Variants in KCNT2 observed in about 807,000 individuals in gnomAD.
The protein encoded by KCNT2 is potassium channel subfamily T member 2.
A neutral mutation model predicts 153.8 loss-of-function variants in KCNT2; 67 were observed. The ratio of observed to expected loss-of-function variants is 0.44; its 90% CI spans 0.36 to 0.53. The LOEUF (loss-of-function observed/expected upper bound fraction) is 0.53. Ranked by LOEUF, KCNT2 falls within the 20% of genes least tolerant of loss-of-function variation. KCNT2 has a pLI of 0.00. For missense variants in KCNT2, 975 were observed against 1,354.8 expected, an observed-to-expected ratio of 0.72 and a Z score of 4.40; for synonymous variants, 500 against 458.8, an observed-to-expected ratio of 1.09 and a Z score of -1.15.
At chr1:196,310,747 C>T (rs566790820) in intron 21 of KCNT2, among the ~76,000 whole-genome samples, 3 of 151,862 alleles carry the variant, frequency 2.0e-5, no homozygotes, top group Admixed American at 6.6e-5. Context: ...TTTAACTGGT[C>T]GGCTCTCACC....
chr1:196,333,790 C>T (rs1664721333), intron 17 of KCNT2, 57 bp downstream of exon 17: 2 of 1,028,898 alleles, frequency 1.9e-6, no homozygotes, highest in Non-Finnish European at 3.0e-6. Flanking sequence ...AAAGAAAATA[C>T]TTAAGGACAT....
chr1:196,344,547 G>C (rs1040978042), intron 14 of KCNT2, among the ~76,000 whole-genome samples: 2 of 152,060 alleles, frequency 1.3e-5, no homozygotes, highest in African/African-American at 4.8e-5. Context: ...ATGATACTTG[G>C]CAAAAACAGA....
chr1:196,530,140 T>C (rs1654754555), intron 1 of KCNT2, among the ~76,000 whole-genome samples: 2 of 151,968 alleles, frequency 1.3e-5, no homozygotes, highest in South Asian at 4.1e-4. Flanking sequence ...ATAACAGGAA[T>C]GGCAGAATGC....
At chr1:196,525,393 G>A (rs1472413390) in intron 1 of KCNT2, among the ~76,000 whole-genome samples, 1 of 152,000 alleles carries the variant, frequency 6.6e-6, no homozygotes, top group Non-Finnish European at 1.5e-5. Flanking sequence ...TAATTTCCCT[G>A]TTTAATAGCT....
intron 16 of KCNT2, among the ~76,000 whole-genome samples, chr1:196,335,498 A>T (rs1226959016): frequency 2.0e-5 from 3 of 152,114 alleles, no homozygotes; most frequent in Admixed American, 1.3e-4. Flanking sequence ...TTCTAACACA[A>T]TGGTAATCTC....
chr1:196,238,328 T>A (rs979783659), intron 26 of KCNT2, among the ~76,000 whole-genome samples: 1 of 151,944 alleles, frequency 6.6e-6, no homozygotes, highest in African/African-American at 2.4e-5. Context: ...GCCAATATTT[T>A]TTTTCTGCTT....
At chr1:196,332,032 G>A (rs1054478303) in intron 17 of KCNT2, among the ~76,000 whole-genome samples, 1 of 152,106 alleles carries the variant, frequency 6.6e-6, no homozygotes, top group Non-Finnish European at 1.5e-5. Flanking sequence ...ATAAAATTTA[G>A]TGAAAATAAT....
At chr1:196,388,143 A>T (rs2148400391) in intron 13 of KCNT2, among the ~76,000 whole-genome samples, 1 of 151,850 alleles carries the variant, frequency 6.6e-6, no homozygotes, top group South Asian at 2.1e-4. Flanking sequence ...GAAGGATATA[A>T]AGTTGATCCT....
At chr1:196,358,656 ACT>A (rs1350067344) in intron 14 of KCNT2, among the ~76,000 whole-genome samples, 3 of 151,672 alleles carry the variant, frequency 2.0e-5, no homozygotes, top group East Asian at 1.9e-4. Flanking sequence ...TATATATTTG[ACT>A]CTCTTTTTAA....
At chr1:196,591,025 G>A (rs973379267) in intron 1 of KCNT2, among the ~76,000 whole-genome samples, 1 of 152,094 alleles carries the variant, frequency 6.6e-6, no homozygotes, top group Non-Finnish European at 1.5e-5. Context: ...TACTCGAGAG[G>A]CTGAGGCATG....
chr1:196,438,530 T>G (rs917014787), intron 8 of KCNT2, among the ~76,000 whole-genome samples: 3 of 152,032 alleles, frequency 2.0e-5, no homozygotes, highest in East Asian at 1.9e-4. Flanking sequence ...CCCATAATCT[T>G]TAACTATTTG....
At chr1:196,333,572 AT>A (rs576866455) in intron 17 of KCNT2, among the ~76,000 whole-genome samples, 17 of 151,578 alleles carry the variant, frequency 1.1e-4, no homozygotes, top group Non-Finnish European at 1.3e-4. Flanking sequence ...GGGAACACTG[AT>A]TTTTTTTTCC....
intron 13 of KCNT2, among the ~76,000 whole-genome samples, chr1:196,380,544 A>G (rs764880072): frequency 2.0e-5 from 3 of 152,206 alleles, no homozygotes; most frequent in Non-Finnish European, 4.4e-5. Flanking sequence ...AAAACAGTAA[A>G]TAGTGGAAAG....
At chr1:196,237,577 T>C (rs1654555464) in intron 26 of KCNT2, among the ~76,000 whole-genome samples, 2 of 151,836 alleles carry the variant, frequency 1.3e-5, no homozygotes, top group African/African-American at 4.8e-5. Context: ...ACCATTTTTG[T>C]TGCTGTTGTT....
intron 1 of KCNT2, among the ~76,000 whole-genome samples, chr1:196,576,537 T>C (rs1020538908): frequency 1.3e-5 from 2 of 152,148 alleles, no homozygotes; most frequent in Non-Finnish European, 1.5e-5. Flanking sequence ...TAGTGTGTGA[T>C]TTCTAAAAAC....
intron 8 of KCNT2, among the ~76,000 whole-genome samples, chr1:196,437,271 TATATATATAAAATATATATA>T (rs924761812): frequency 8.6e-5 from 7 of 81,118 alleles, no homozygotes; most frequent in African/African-American, 2.3e-4. Context: ...AAATATTTAT[TATATATATAAAATATATATA>T]ATATATATAA....
At position 196,477,650 on chromosome 1, in the gene KCNT2, A is replaced by G. The variant is rs1572585387; in HGVS notation, c.384+1529T>C. Among the ~76,000 whole-genome samples the G allele has an allele frequency of 5.3e-5, 8 of 152,266 alleles. No homozygotes were observed. In the South Asian group the frequency reaches 1.5e-3, roughly 28 times the overall value. On this transcript the variant is annotated intron_variant, in intron 5 of 27. Coordinates refer to ENST00000294725, the MANE Select transcript of KCNT2 (RefSeq NM_198503.5). ...CTAGATATGAGTTCCCCAAAAACAT[A>G]ACCTTGAGTACACTTGATAGAGTAG...
chr1:196,342,349 G>A, intron 14 of KCNT2, 121 bp from the exon 15 acceptor site: 1 of 705,580 alleles, frequency 1.4e-6, no homozygotes, highest in Non-Finnish European at 2.1e-6. Context: ...ACAATCCAAA[G>A]GAGCATCTGA....
intron 12 of KCNT2, among the ~76,000 whole-genome samples, chr1:196,407,596 C>T (rs1264821847): frequency 6.6e-6 from 1 of 151,252 alleles, no homozygotes; most frequent in Non-Finnish European, 1.5e-5. Flanking sequence ...TGTTTCAGTG[C>T]CTGAAGTGGA....
Sources: allele counts gnomAD v4.1 joint callset (sites outside exome capture counted in the v4.1 genomes callset), GRCh38; gene constraint gnomAD v4.1.1; transcripts MANE v1.5; gene names NCBI Gene and HGNC (gene_info 2026-07-23, HGNC 2026-07-21).